Variants in CCDC178 observed in about 807,000 individuals in gnomAD.
CCDC178 encodes coiled-coil domain containing 178, also known as coiled-coil domain-containing protein 178.
In CCDC178, 126 loss-of-function variants were observed where a neutral mutation model predicts 117.4. The ratio of observed to expected loss-of-function variants is 1.07; its 90% CI spans 0.93 to 1.24. The LOEUF (loss-of-function observed/expected upper bound fraction) is 1.24, where lower values mean the gene tolerates loss of function less well. Ranked by LOEUF, CCDC178 falls within the 50% of genes most tolerant of loss-of-function variation. The pLI, the probability that CCDC178 is intolerant of heterozygous loss-of-function variation, is 0.00. For synonymous variants in CCDC178, 283 were observed against 313.4 expected, an observed-to-expected ratio of 0.90 and a Z score of 1.02; for missense variants, 1,030 against 986.9, an observed-to-expected ratio of 1.04 and a Z score of -0.59.
chr18:33,086,891 T>A (rs191486191), intron 21 of CCDC178, among the ~76,000 whole-genome samples: 1 of 151,602 alleles, frequency 6.6e-6, no homozygotes, highest in Non-Finnish European at 1.5e-5. Flanking sequence ...GCCTTCTAGA[T>A]GCCAGAGGCA....
intron 15 of CCDC178, among the ~76,000 whole-genome samples, chr18:33,237,753 T>A (rs1261755291): frequency 1.3e-5 from 2 of 151,570 alleles, no homozygotes; most frequent in Non-Finnish European, 2.9e-5. Context: ...CAAGTGGCTG[T>A]GAACCTGGTC....
chr18:33,110,125 G>A (rs112855521), intron 20 of CCDC178, among the ~76,000 whole-genome samples: 9 of 151,596 alleles, frequency 5.9e-5, no homozygotes, highest in African/African-American at 1.7e-4. Context: ...ATATGTCATC[G>A]TAGTTTTCAT....
intron 20 of CCDC178, among the ~76,000 whole-genome samples, chr18:33,095,293 TGAAGA>T (rs939606288): frequency 5.9e-5 from 9 of 152,026 alleles, no homozygotes; most frequent in African/African-American, 1.9e-4. Flanking sequence ...GATAGCTTGC[TGAAGA>T]GAAGAGATGT....
chr18:33,118,686 G>T, intron 20 of CCDC178, among the ~76,000 whole-genome samples: 1 of 152,052 alleles, frequency 6.6e-6, no homozygotes, highest in East Asian at 1.9e-4. Context: ...GAATTGGAAA[G>T]AACTGCTTTA....
chr18:33,266,533 ACTTTT>A (rs1417766201), intron 14 of CCDC178, among the ~76,000 whole-genome samples: 1 of 150,310 alleles, frequency 6.7e-6, no homozygotes, highest in Admixed American at 6.7e-5. Context: ...AATTATTTTG[ACTTTT>A]CTTTTTTTTC....
At chr18:33,240,711 A>G (rs1390842483) in intron 15 of CCDC178, among the ~76,000 whole-genome samples, 1 of 151,974 alleles carries the variant, frequency 6.6e-6, no homozygotes, top group Non-Finnish European at 1.5e-5. Flanking sequence ...ATCAGTTCTA[A>G]AAAGTATTCC....
Position 33,267,298 on chromosome 18 carries a change from C to A in CCDC178, c.1177-1G>T. 6.3e-7 allele frequency: 1 copy of A among 1,575,534 alleles called. No homozygotes were observed. The highest frequency in any genetic ancestry group is 1.4e-5 in the African/African-American group (1 of 73,268). ...CATAAACTCTTCTCAAATCTTCCAG[C>A]TAAGAAAGAAGATATACAGAACAAA... On this transcript the variant is annotated splice_acceptor_variant, in intron 12 of 22. Coordinates refer to ENST00000383096, the MANE Select transcript of CCDC178 (RefSeq NM_001105528.4). LOFTEE classifies it high-confidence loss of function.
chr18:33,292,593 A>T (rs899022228), intron 12 of CCDC178, among the ~76,000 whole-genome samples: 1 of 152,042 alleles, frequency 6.6e-6, no homozygotes, highest in Admixed American at 6.5e-5. Flanking sequence ...GCGATTTTGA[A>T]TGTTACCAAA....
intron 15 of CCDC178, among the ~76,000 whole-genome samples, chr18:33,239,611 A>C (rs541001058): frequency 6.6e-6 from 1 of 152,136 alleles, no homozygotes; most frequent in South Asian, 2.1e-4. Context: ...AAAAAGAGAC[A>C]AAGGAAAACA....
intron 10 of CCDC178, among the ~76,000 whole-genome samples, chr18:33,325,176 C>G (rs1413199737): frequency 2.0e-5 from 3 of 151,698 alleles, no homozygotes; most frequent in Non-Finnish European, 4.4e-5. Context: ...AATATGGATG[C>G]TTGTGTGAAA....
At chr18:33,286,603 T>C (rs896978526) in intron 12 of CCDC178, among the ~76,000 whole-genome samples, 2 of 152,178 alleles carry the variant, frequency 1.3e-5, no homozygotes, top group Non-Finnish European at 2.9e-5. Context: ...CTGTATAATA[T>C]ATAGGCCAAT....
chr18:33,175,209 T>A (rs57884351), intron 20 of CCDC178, among the ~76,000 whole-genome samples: 24 of 152,172 alleles, frequency 1.6e-4, no homozygotes, highest in African/African-American at 5.5e-4. Context: ...TCTTTGCTTA[T>A]GTATTGATGA....
chr18:33,052,765 A>T (rs542496175), intron 21 of CCDC178, among the ~76,000 whole-genome samples: 1 of 152,292 alleles, frequency 6.6e-6, no homozygotes, highest in Non-Finnish European at 1.5e-5. Context: ...CCTTTATTTT[A>T]CTAATCTTTT....
intron 9 of CCDC178, among the ~76,000 whole-genome samples, chr18:33,336,214 T>C (rs570040499): frequency 6.6e-4 from 100 of 152,244 alleles, no homozygotes; most frequent in Non-Finnish European, 1.2e-3. Context: ...CATGGTTCAC[T>C]CTTAGGCTGA....
chr18:33,293,438 T>C (rs2062063520), intron 11 of CCDC178, 126 bp from the exon 12 acceptor site: 1 of 477,992 alleles, frequency 2.1e-6, no homozygotes, highest in Non-Finnish European at 3.5e-6. Context: ...AGGTAGCAGA[T>C]GGCTTGAGTC....
chr18:33,437,388 G>A (rs979320269), intron 2 of CCDC178, among the ~76,000 whole-genome samples: 1 of 152,096 alleles, frequency 6.6e-6, no homozygotes, highest in Admixed American at 6.5e-5. Flanking sequence ...TTTACTGTCT[G>A]TTCAACCATA....
chr18:33,126,618 T>G (rs1188321110), intron 20 of CCDC178, among the ~76,000 whole-genome samples: 5 of 151,820 alleles, frequency 3.3e-5, no homozygotes, highest in Admixed American at 2.0e-4. Flanking sequence ...TCCTCCTGTA[T>G]GCGTGGTTTT....
At chr18:33,186,160 T>C (rs1271894847) in intron 20 of CCDC178, among the ~76,000 whole-genome samples, 1 of 152,108 alleles carries the variant, frequency 6.6e-6, no homozygotes, top group African/African-American at 2.4e-5. Flanking sequence ...CACATAAATA[T>C]GTACAGTACA....
chr18:33,403,689 T>C (rs1163190096), intron 3 of CCDC178, among the ~76,000 whole-genome samples: 1 of 152,156 alleles, frequency 6.6e-6, no homozygotes, highest in Non-Finnish European at 1.5e-5. Flanking sequence ...AAGGTTACAA[T>C]GTAAACTGAC....
Sources: gnomAD v4.1 joint callset for allele counts (sites outside exome capture counted in the v4.1 genomes callset) on GRCh38, gnomAD v4.1.1 for gene constraint, MANE v1.5 for transcripts, NCBI Gene and HGNC (gene_info 2026-07-23, HGNC 2026-07-21) for gene names.